Variants in CDH4 observed in about 807,000 individuals in gnomAD.
CDH4 encodes the protein cadherin-4.
CDH4 carries 33 observed loss-of-function variants against 86.0 expected under a neutral mutation model. That is an observed-to-expected ratio of 0.38 (90% CI 0.29 to 0.51). CDH4 has a LOEUF of 0.51. Among genes scored for constraint, CDH4 ranks in the 20% least tolerant of loss-of-function variants. The pLI is 0.86. For synonymous variants in CDH4, 555 were observed against 549.4 expected, an observed-to-expected ratio of 1.01 and a Z score of -0.14; for missense variants, 1,114 against 1,307.4, an observed-to-expected ratio of 0.85 and a Z score of 2.28.
chr20:61,597,626 G>A (rs1240108844), intron 2 of CDH4, among the ~76,000 whole-genome samples: 2 of 152,214 alleles, frequency 1.3e-5, no homozygotes, highest in Non-Finnish European at 2.9e-5. Context: ...AGGAGAGGGA[G>A]GGGCAGAGAG....
At chr20:61,694,527 G>C (rs1438156781) in intron 2 of CDH4, among the ~76,000 whole-genome samples, 2 of 152,198 alleles carry the variant, frequency 1.3e-5, no homozygotes, top group Non-Finnish European at 2.9e-5. Flanking sequence ...AACTGGAAAA[G>C]AGAATGCTTT....
chr20:61,347,329 A>G (rs1429113655), intron 2 of CDH4, among the ~76,000 whole-genome samples: 3 of 152,246 alleles, frequency 2.0e-5, no homozygotes, highest in Non-Finnish European at 4.4e-5. Flanking sequence ...TTTTAGAAAT[A>G]TACACCTAGA....
intron 2 of CDH4, among the ~76,000 whole-genome samples, chr20:61,443,172 G>A (rs772801821): frequency 3.9e-5 from 6 of 152,200 alleles, no homozygotes; most frequent in Non-Finnish European, 8.8e-5. Flanking sequence ...CGCTTTACCT[G>A]GAAGGCTGGG....
intron 9 of CDH4, among the ~76,000 whole-genome samples, chr20:61,920,088 G>GGAAGTGTGT: frequency 4.3e-4 from 1 of 2,326 alleles, no homozygotes; most frequent in Non-Finnish European, 9.0e-4. Context: ...CACGGTGATT[G>GGAAGTGTGT]CGTGGAAGCA....
chr20:61,551,712 A>G (rs928950802), intron 2 of CDH4, among the ~76,000 whole-genome samples: 1 of 152,232 alleles, frequency 6.6e-6, no homozygotes, highest in Admixed American at 6.5e-5. Context: ...AGAATCTTCT[A>G]GACTCTGATT....
At chr20:61,826,123 C>T (rs114029207) in intron 4 of CDH4, among the ~76,000 whole-genome samples, 141 of 152,284 alleles carry the variant, frequency 9.3e-4, no homozygotes, top group African/African-American at 3.2e-3. Context: ...CTAGAATGCA[C>T]GTCAGTAGTG....
intron 2 of CDH4, among the ~76,000 whole-genome samples, chr20:61,351,063 C>G (rs974398713): frequency 6.6e-5 from 10 of 152,070 alleles, no homozygotes; most frequent in Admixed American, 2.0e-4. Flanking sequence ...CCTTGGGTGT[C>G]ACAGCCGCCC....
intron 7 of CDH4, among the ~76,000 whole-genome samples, chr20:61,878,268 G>C (rs754583900): frequency 1.3e-5 from 2 of 152,188 alleles, no homozygotes. Context: ...GGAACATCCA[G>C]GTCCCTGAGC....
chr20:61,352,297 G>A (rs566885895), intron 2 of CDH4, among the ~76,000 whole-genome samples: 1 of 152,268 alleles, frequency 6.6e-6, no homozygotes, highest in South Asian at 2.1e-4. Context: ...TGAAATACAT[G>A]CCGTGTCGGA....
intron 2 of CDH4, among the ~76,000 whole-genome samples, chr20:61,533,532 T>C (rs1395577732): frequency 6.6e-6 from 1 of 152,176 alleles, no homozygotes; most frequent in African/African-American, 2.4e-5. Context: ...TCAGCCTCCC[T>C]GGCGGGGCCC....
chr20:61,904,937 G>T (rs2054772344), intron 8 of CDH4, among the ~76,000 whole-genome samples: 1 of 152,240 alleles, frequency 6.6e-6, no homozygotes, highest in Admixed American at 6.5e-5. Flanking sequence ...GTGCTGCAGG[G>T]TTCCTGCCCA....
At chr20:61,733,071 GGA>G (rs2088214189) in intron 2 of CDH4, among the ~76,000 whole-genome samples, 2 of 16,936 alleles carry the variant, frequency 1.2e-4, no homozygotes, top group Admixed American at 1.0e-3. Context: ...GATGACGCAT[GGA>G]CAGATGGACA....
Position 61,676,931 on chromosome 20 carries a change from G to A in CDH4, c.170-66632G>A, listed in dbSNP as rs2145852418. The stretch of plus-strand genomic sequence containing the variant: ...CTGATGGGGTGAGGTGGTGGGCCAG[G>A]CTGCAGTGGGACCAGCGGTCCAAGA... On this transcript the variant is annotated intron_variant, in intron 2 of 15. Coordinates refer to ENST00000614565, the MANE Select transcript of CDH4 (RefSeq NM_001794.5). This position sits in a 1 kb window ranked among gnomAD's most constrained non-coding sequence, Gnocchi z 4.5. Among the ~76,000 whole-genome samples, 1 of 152,286 alleles carries A rather than the reference G, an allele frequency of 6.6e-6. No homozygotes were observed. The highest frequency in any genetic ancestry group is 2.4e-5 in the African/African-American group (1 of 41,552).
At chr20:61,856,865 G>C (rs910555786) in intron 6 of CDH4, among the ~76,000 whole-genome samples, 69 of 152,262 alleles carry the variant, frequency 4.5e-4, no homozygotes, top group African/African-American at 1.5e-3. Flanking sequence ...CCATGACTGG[G>C]AAGTGCAGGC....
At chr20:61,605,262 CTG>C (rs1446715270) in intron 2 of CDH4, among the ~76,000 whole-genome samples, 1 of 152,110 alleles carries the variant, frequency 6.6e-6, no homozygotes, top group Non-Finnish European at 1.5e-5. Context: ...GAAGGCCCCT[CTG>C]TGAAGCAAGG....
chr20:61,265,532 A>G (rs1237772017), intron 2 of CDH4, among the ~76,000 whole-genome samples: 5 of 149,444 alleles, frequency 3.3e-5, no homozygotes, highest in African/African-American at 7.4e-5. Flanking sequence ...CCTTCATTCA[A>G]TCTTACACGG....
intron 2 of CDH4, among the ~76,000 whole-genome samples, chr20:61,585,851 G>C (rs1160759109): frequency 4.6e-5 from 7 of 150,616 alleles, no homozygotes; most frequent in Admixed American, 1.3e-4. Flanking sequence ...TGATGGGGAG[G>C]ATAATGGTGA....
chr20:61,880,302 G>A (rs1317441778), intron 7 of CDH4, among the ~76,000 whole-genome samples: 1 of 152,216 alleles, frequency 6.6e-6, no homozygotes, highest in African/African-American at 2.4e-5. Context: ...GCGGGGTTCA[G>A]CGTTTCCCGC....
chr20:61,798,019 T>A (rs549001061), intron 4 of CDH4, among the ~76,000 whole-genome samples: 1 of 152,080 alleles, frequency 6.6e-6, no homozygotes, highest in Non-Finnish European at 1.5e-5. Flanking sequence ...AAAGCACCAC[T>A]CCGGGGTCAG....
Sources: allele counts gnomAD v4.1 joint callset (sites outside exome capture counted in the v4.1 genomes callset), GRCh38; gene constraint gnomAD v4.1.1; non-coding constraint Gnocchi (gnomAD v3.1); transcripts MANE v1.5; gene names NCBI Gene and HGNC (gene_info 2026-07-23, HGNC 2026-07-21).